DMD: variants seen among roughly 807,000 people sequenced by gnomAD.
The protein encoded by DMD is mutant dystrophin.
A neutral mutation model predicts 330.1 loss-of-function variants in DMD; 63 were observed. The ratio of observed to expected loss-of-function variants is 0.19; its 90% CI spans 0.16 to 0.24. DMD has a LOEUF of 0.24. Ranked by LOEUF, DMD falls within the 10% of genes least tolerant of loss-of-function variation. The pLI, the probability that DMD is intolerant of heterozygous loss-of-function variation, is 1.00. For synonymous variants in DMD, 1,223 were observed against 959.8 expected (o/e 1.27, Z -5.07); for missense variants, 3,344 against 2,684.1 (o/e 1.25, Z -5.43).
At chrX:32,075,803 C>A (rs2096340179) in intron 44 of DMD, among the ~76,000 whole-genome samples, 1 of 109,138 alleles carries the variant, frequency 9.2e-6, no homozygotes, top group South Asian at 3.9e-4. Flanking sequence ...AATCTCAGCA[C>A]TTTGGGAGGC....
At chrX:31,647,300 A>T (rs1273668136) in intron 54 of DMD, among the ~76,000 whole-genome samples, 1 of 111,881 alleles carries the variant, frequency 8.9e-6, no homozygotes, top group African/African-American at 3.3e-5. Flanking sequence ...CATAGGCCTC[A>T]GAGTTGCAGA....
chrX:32,439,586 C>T (rs2098273893), intron 28 of DMD, among the ~76,000 whole-genome samples: 1 of 110,700 alleles, frequency 9.0e-6, no homozygotes, highest in Non-Finnish European at 1.9e-5. Context: ...GGATGAAAAG[C>T]AACAAAGCAA....
intron 45 of DMD, among the ~76,000 whole-genome samples, chrX:31,963,298 T>C (rs968345092): frequency 3.6e-5 from 4 of 112,172 alleles, no homozygotes; most frequent in African/African-American, 1.3e-4. Flanking sequence ...ATTTACACCA[T>C]TAATTTGCAT....
At chrX:32,678,611 G>A (rs993322157) in intron 9 of DMD, among the ~76,000 whole-genome samples, 1 of 110,945 alleles carries the variant, frequency 9.0e-6, no homozygotes, top group Admixed American at 9.7e-5. Context: ...AGGCCAATAT[G>A]AGTACATTCT....
intron 44 of DMD, among the ~76,000 whole-genome samples, chrX:32,166,880 C>A (rs1004645907): frequency 8.9e-6 from 1 of 111,943 alleles, no homozygotes; most frequent in Non-Finnish European, 1.9e-5. Flanking sequence ...TCATTATTAG[C>A]AGTTTTTTTA....
chrX:32,399,832 T>G (rs767866781), intron 30 of DMD, among the ~76,000 whole-genome samples: 6 of 112,169 alleles, frequency 5.3e-5, no homozygotes, highest in African/African-American at 1.9e-4. Flanking sequence ...GGAAGCAACC[T>G]AAATGTCCAT....
chrX:31,809,112 T>C (rs997938438), intron 50 of DMD, among the ~76,000 whole-genome samples: 17 of 106,501 alleles, frequency 1.6e-4, no homozygotes, highest in Non-Finnish European at 3.9e-5. Context: ...AAATCTCTTA[T>C]ATATATATGA....
At chrX:33,324,090 G>A (rs892945775) in intron 1 of DMD, among the ~76,000 whole-genome samples, 3 of 111,163 alleles carry the variant, frequency 2.7e-5, no homozygotes, top group Non-Finnish European at 3.8e-5. Context: ...AATTAAATGA[G>A]GAAAACTATT....
At chrX:32,991,591 C>A (rs2092977919) in intron 2 of DMD, among the ~76,000 whole-genome samples, 1 of 111,808 alleles carries the variant, frequency 8.9e-6, no homozygotes, top group Non-Finnish European at 1.9e-5. Flanking sequence ...CTAATGGCTA[C>A]CAAATTGGAC....
Position 32,573,588 on chromosome X carries a change from A to C in DMD, c.1754T>G (p.Ile585Ser), listed in dbSNP as rs376238937. 1.1e-4 allele frequency: 132 copies of C among 1,210,475 alleles called. No homozygotes were observed. The highest frequency in any genetic ancestry group is 1.4e-4 in the Non-Finnish European group (127 of 895,340). The change falls in exon 15 of 79, where the codon ATT becomes AGT. Residue 585 changes from isoleucine (I) to serine (S), a missense_variant. By Grantham distance (142) the Ile-to-Ser change is moderately radical. Coordinates refer to ENST00000357033, the MANE Select transcript of DMD (RefSeq NM_004006.3). ...TTGATCTTTAAAGCCAGTTGTGTGA[A>C]TCTTGTTCACTGCATCTTCTTTTTC... ...LSEKEDAVNKIHTTGFKDQNE... is the reference protein window; with the variant it reads ...LSEKEDAVNKSHTTGFKDQNE...
chrX:32,238,033 T>C (rs1280924962), intron 43 of DMD, among the ~76,000 whole-genome samples: 1 of 112,110 alleles, frequency 8.9e-6, no homozygotes, highest in Non-Finnish European at 1.9e-5. Context: ...GAGTATATTT[T>C]TGAAAATAGA....
intron 55 of DMD, among the ~76,000 whole-genome samples, chrX:31,560,862 T>A (rs2147849440): frequency 8.9e-6 from 1 of 112,627 alleles, no homozygotes; most frequent in Non-Finnish European, 1.9e-5. Flanking sequence ...ATATTACATA[T>A]AACAATGCAA....
intron 44 of DMD, among the ~76,000 whole-genome samples, chrX:32,141,296 C>A (rs962081846): frequency 6.5e-5 from 7 of 107,794 alleles, no homozygotes; most frequent in Non-Finnish European, 1.3e-4. Context: ...AATAGCCTGG[C>A]GTGGTTGTGG....
chrX:32,776,469 A>T (rs147613267), intron 7 of DMD, among the ~76,000 whole-genome samples: 2,249 of 111,166 alleles, frequency 0.02, 35 homozygotes, highest in Non-Finnish European at 0.034. Flanking sequence ...ATAGACTCAC[A>T]GTTCTACATG....
intron 20 of DMD, among the ~76,000 whole-genome samples, chrX:32,488,052 C>T (rs935196418): frequency 9.0e-6 from 1 of 111,446 alleles, no homozygotes; most frequent in African/African-American, 3.3e-5. Context: ...ATAGAAAGAG[C>T]CAACATTATA....
At chrX:32,630,440 T>C (rs2058655583) in intron 11 of DMD, among the ~76,000 whole-genome samples, 1 of 111,050 alleles carries the variant, frequency 9.0e-6, no homozygotes, top group Non-Finnish European at 1.9e-5. Flanking sequence ...CTTGGTGTTC[T>C]ATTATCTTCT....
chrX:32,815,350 A>T (rs1247951272), intron 6 of DMD, among the ~76,000 whole-genome samples: 2 of 107,748 alleles, frequency 1.9e-5, no homozygotes, highest in African/African-American at 6.8e-5. Flanking sequence ...CTTGCACTGA[A>T]AATTAGGCAA....
chrX:32,746,079 T>C (rs941912451), intron 7 of DMD, among the ~76,000 whole-genome samples: 5 of 112,359 alleles, frequency 4.5e-5, no homozygotes, highest in African/African-American at 1.6e-4. Context: ...GCCATAATTC[T>C]TAGAATTGAA....
chrX:31,784,521 C>G (rs1006492185), intron 50 of DMD, among the ~76,000 whole-genome samples: 1 of 111,901 alleles, frequency 8.9e-6, no homozygotes, highest in Admixed American at 9.5e-5. Flanking sequence ...ATCCAGCAAT[C>G]CCATTTCTGG....
Sources: allele counts gnomAD v4.1 joint callset (sites outside exome capture counted in the v4.1 genomes callset), GRCh38; gene constraint gnomAD v4.1.1; transcripts MANE v1.5; gene names NCBI Gene and HGNC (gene_info 2026-07-23, HGNC 2026-07-21).